The following C9orf85 variants were observed in gnomAD, a reference collection of about 807,000 sequenced individuals.
C9orf85 encodes uncharacterized protein C9orf85.
In C9orf85, 16 loss-of-function variants were observed where a neutral mutation model predicts 14.9. The observed-to-expected ratio is 1.08, with a 90% confidence interval of 0.73 to 1.63. C9orf85 has a LOEUF of 1.63. C9orf85 is among the 40% of genes most tolerant of loss of function. C9orf85 has a pLI of 0.00. For missense variants in C9orf85, 172 were observed against 186.1 expected (o/e 0.92, Z 0.44); for synonymous variants, 45 against 56.8 (o/e 0.79, Z 0.93).
intron 2 of C9orf85, among the ~76,000 whole-genome samples, chr9:71,953,144 C>T (rs182139798): frequency 6.6e-6 from 1 of 152,052 alleles, no homozygotes; most frequent in Non-Finnish European, 1.5e-5. Context: ...CAAGACGGCC[C>T]GCCACAATAA....
At chr9:71,980,493 T>C (rs1399675474) in intron 3 of C9orf85, among the ~76,000 whole-genome samples, 1 of 152,126 alleles carries the variant, frequency 6.6e-6, no homozygotes, top group Non-Finnish European at 1.5e-5. Context: ...TGACATCCCT[T>C]AGCAGAGGAT....
intron 1 of C9orf85, among the ~76,000 whole-genome samples, chr9:71,925,038 A>G (rs1381597570): frequency 6.6e-6 from 1 of 152,198 alleles, no homozygotes; most frequent in Non-Finnish European, 1.5e-5. Context: ...TGATGATTCA[A>G]TGTCAGCTAG....
In C9orf85 at chr9:71,947,018, A is replaced by G. The variant is rs1822110138; in HGVS notation, c.115A>G (p.Lys39Glu). 6 of 1,611,574 alleles carry G rather than the reference A, an allele frequency of 3.7e-6. No individual in the cohort carries two copies. Among genetic ancestry groups the G allele is most frequent in the Non-Finnish European group, 5.1e-6 (6 of 1,178,608 alleles). ...GTTTGTTTTTAAGAAAATTAATGCA[A>G]AACTTCATGATGGAGTATGTCAGCG... is the stretch of plus-strand genomic sequence containing the variant. ...KSVQTKKINA[K>E]LHDGVCQRCK... is the part of the protein sequence containing the mutation. Residue 39 changes from lysine (K) to glutamate (E), a missense_variant, in exon 2 of 4, where the codon AAA becomes GAA. Coordinates refer to ENST00000334731, the MANE Select transcript of C9orf85 (RefSeq NM_182505.5).
chr9:71,943,255 TTTTG>T (rs140369418), intron 1 of C9orf85, among the ~76,000 whole-genome samples: 141,770 of 151,590 alleles, frequency 0.94, 66,950 homozygotes, highest in East Asian at 1. Flanking sequence ...TTAATTCTGT[TTTTG>T]TTTGTTTTTT....
chr9:71,983,674 T>G (rs1482145584), downstream of C9orf85: 1 of 152,206 alleles, frequency 6.6e-6, no homozygotes, highest in East Asian at 1.9e-4. Context: ...TCTTATAGAT[T>G]TTTAGAATTG....
chr9:71,933,541 C>T (rs2132279622), intron 1 of C9orf85, among the ~76,000 whole-genome samples: 1 of 152,270 alleles, frequency 6.6e-6, no homozygotes, highest in South Asian at 2.1e-4. Context: ...CTTAAAGGAA[C>T]CACTCTACAA....
At chr9:71,918,999 C>T (rs74355256) in intron 1 of C9orf85, among the ~76,000 whole-genome samples, 3,273 of 148,406 alleles carry the variant, frequency 0.022, 48 homozygotes, top group South Asian at 0.06. Flanking sequence ...TTGGGGACTG[C>T]TGCTGTTGAG....
chr9:71,943,555 T>C (rs977173268), intron 1 of C9orf85, among the ~76,000 whole-genome samples: 2 of 152,078 alleles, frequency 1.3e-5, no homozygotes. Context: ...TTTTGTTTTT[T>C]TTTTGAGAAG....
At chr9:71,922,009 T>C (rs1022612391) in intron 1 of C9orf85, among the ~76,000 whole-genome samples, 4 of 151,874 alleles carry the variant, frequency 2.6e-5, no homozygotes, top group African/African-American at 4.8e-5. Context: ...GGCGCAATCT[T>C]GGCTCACTGC....
intron 2 of C9orf85, among the ~76,000 whole-genome samples, chr9:71,953,441 A>G (rs557498244): frequency 1.1e-4 from 16 of 152,334 alleles, no homozygotes; most frequent in Non-Finnish European, 2.1e-4. Flanking sequence ...AAATATTTCA[A>G]GTGAAGGAGG....
chr9:71,925,202 G>A (rs1218274480), intron 1 of C9orf85, among the ~76,000 whole-genome samples: 3 of 152,148 alleles, frequency 2.0e-5, no homozygotes, highest in Non-Finnish European at 2.9e-5. Context: ...AATTCAAAAT[G>A]GCTGACTGAA....
At chr9:71,942,278 G>C (rs942856010) in intron 1 of C9orf85, among the ~76,000 whole-genome samples, 1 of 152,200 alleles carries the variant, frequency 6.6e-6, no homozygotes, top group Non-Finnish European at 1.5e-5. Context: ...ATCGCTTACT[G>C]TATCACATGG....
At chr9:71,938,818 T>C (rs1035724069) in intron 1 of C9orf85, among the ~76,000 whole-genome samples, 16 of 151,636 alleles carry the variant, frequency 1.1e-4, no homozygotes, top group Admixed American at 9.2e-4. Context: ...TTAAAATATA[T>C]ATATTCAGAA....
At chr9:71,984,187 C>T (rs1823160775), downstream of C9orf85, 1 of 152,260 alleles carries the variant, frequency 6.6e-6, no homozygotes, top group Admixed American at 6.5e-5. Flanking sequence ...TCAAGTTGCT[C>T]TTGTCCACCA....
intron 1 of C9orf85, among the ~76,000 whole-genome samples, chr9:71,928,031 A>G (rs1275777179): frequency 6.6e-6 from 1 of 152,118 alleles, no homozygotes; most frequent in Non-Finnish European, 1.5e-5. Context: ...AACTAAAAAT[A>G]CAAAAATTAG....
intron 1 of C9orf85, among the ~76,000 whole-genome samples, chr9:71,946,575 A>G (rs1564091599): frequency 6.6e-6 from 1 of 152,020 alleles, no homozygotes; most frequent in Non-Finnish European, 1.5e-5. Context: ...CGGGTGAATC[A>G]TGAGCTCAGG....
chr9:71,950,829 C>T (rs1304621393), intron 2 of C9orf85, among the ~76,000 whole-genome samples: 2 of 152,056 alleles, frequency 1.3e-5, no homozygotes, highest in Non-Finnish European at 2.9e-5. Context: ...AAATACAGGG[C>T]ATGGTGGGGC....
intron 2 of C9orf85, among the ~76,000 whole-genome samples, chr9:71,954,114 GAA>G (rs566793068): frequency 3.1e-5 from 4 of 130,108 alleles, no homozygotes; most frequent in African/African-American, 5.9e-5. Flanking sequence ...CCCCAGCTTG[GAA>G]AAAAAAAAAA....
At chr9:71,942,959 A>G (rs1821977534) in intron 1 of C9orf85, among the ~76,000 whole-genome samples, 1 of 151,560 alleles carries the variant, frequency 6.6e-6, no homozygotes, top group Non-Finnish European at 1.5e-5. Context: ...CATTATTGTT[A>G]TTAGTCACGT....
Sources: gnomAD v4.1 joint callset for allele counts (sites outside exome capture counted in the v4.1 genomes callset) on GRCh38, gnomAD v4.1.1 for gene constraint, MANE v1.5 for transcripts, NCBI Gene and HGNC (gene_info 2026-07-23, HGNC 2026-07-21) for gene names.